Variants in TTC34 observed in about 807,000 individuals in gnomAD.
TTC34 encodes tetratricopeptide repeat protein 34.
In TTC34, 44 loss-of-function variants were observed where a neutral mutation model predicts 40.7. The ratio of observed to expected loss-of-function variants is 1.08; its 90% CI spans 0.85 to 1.39. The LOEUF (loss-of-function observed/expected upper bound fraction) is 1.39, where lower values mean the gene tolerates loss of function less well. Ranked by LOEUF, TTC34 falls within the 40% of genes most tolerant of loss-of-function variation. The pLI is 0.00. For missense variants in TTC34, 884 were observed against 838.0 expected (o/e 1.05, Z -0.68); for synonymous variants, 422 against 398.6 (o/e 1.06, Z -0.70).
chr1:2,660,799 T>C (rs1362534364), intron 6 of TTC34, among the ~76,000 whole-genome samples: 29 of 19,854 alleles, frequency 1.5e-3, no homozygotes, highest in Non-Finnish European at 1.8e-3. Flanking sequence ...CACCCCCAGG[T>C]GAGCATCTGA....
intron 6 of TTC34, among the ~76,000 whole-genome samples, chr1:2,677,585 TGA>T: frequency 1.9e-5 from 1 of 53,994 alleles, no homozygotes; most frequent in Non-Finnish European, 3.6e-5. Context: ...GGTGATCATC[TGA>T]CAGCCTGGAA....
chr1:2,651,882 G>C (rs1046553321), intron 6 of TTC34, among the ~76,000 whole-genome samples: 2 of 151,854 alleles, frequency 1.3e-5, no homozygotes, highest in East Asian at 3.9e-4. Flanking sequence ...AACAACTCAC[G>C]ATTTTGGGTG....
In TTC34 at chr1:2,684,480, C is replaced by G. The variant is rs542392658; in HGVS notation, c.2227-38917G>C. On this transcript the variant is annotated intron_variant, in intron 6 of 8. Coordinates refer to ENST00000401095, the Ensembl canonical transcript of TTC34. Reference sequence around the variant, plus strand: ...CGGCCTGCAACAGCACCCACACACCCAGGCGAGCATCTGATGGCCTGGAAC... The same window carrying G: ...CGGCCTGCAACAGCACCCACACACCGAGGCGAGCATCTGATGGCCTGGAAC... Among the ~76,000 whole-genome samples the G allele has an allele frequency of 3.5e-3, 518 of 149,576 alleles. 52 individuals are homozygous for G. Among genetic ancestry groups the G allele is most frequent in the African/African-American group, 0.013 (499 of 39,458 alleles).
chr1:2,759,416 C>T (rs1641616883), intron 6 of TTC34, among the ~76,000 whole-genome samples: 2 of 108,220 alleles, frequency 1.8e-5, no homozygotes, highest in Non-Finnish European at 3.6e-5. Context: ...GGGCATGTGA[C>T]AGCCTGGATC....
intron 2 of TTC34, among the ~76,000 whole-genome samples, chr1:2,794,775 C>T (rs563810316): frequency 6.6e-6 from 1 of 152,182 alleles, no homozygotes; most frequent in African/African-American, 2.4e-5. Flanking sequence ...AAGTTTTCTT[C>T]TGTTTCTTGA....
At chr1:2,683,646 T>A (rs566026750) in intron 6 of TTC34, among the ~76,000 whole-genome samples, 1 of 146,536 alleles carries the variant, frequency 6.8e-6, no homozygotes, top group South Asian at 2.1e-4. Flanking sequence ...CAGGTGAGCA[T>A]CTGACAGCCT....
chr1:2,685,863 G>A (rs61763542), intron 6 of TTC34, among the ~76,000 whole-genome samples: 5 of 149,956 alleles, frequency 3.3e-5, no homozygotes, highest in Non-Finnish European at 7.4e-5. Context: ...CTGACAGCCT[G>A]GAACAGCACC....
chr1:2,643,367 C>G (rs1412174245), intron 8 of TTC34, among the ~76,000 whole-genome samples: 1 of 152,238 alleles, frequency 6.6e-6, no homozygotes, highest in Non-Finnish European at 1.5e-5. Context: ...GCAGCCCAGC[C>G]GTATTCTGCA....
rs558919734 is a variant in TTC34, at chr1:2,691,704, C to T, written c.2227-46141G>A. Among the ~76,000 whole-genome samples the T allele has an allele frequency of 2.4e-3, 220 of 92,588 alleles. 21 individuals carry two copies. Among genetic ancestry groups the T allele is most frequent in the South Asian group, 6.3e-3 (21 of 3,348 alleles). 60.7% of individuals were successfully genotyped at this position (92,588 alleles called of 152,430 possible). A position where few individuals can be genotyped will look rare whatever the true frequency, so the allele number is the denominator to read the frequency against. ...TGACGGCCTGCAACAGCACCCACAT[C>T]CCCAGGTGAGCATTGGACAGCCTGG... On this transcript the variant is annotated intron_variant, in intron 6 of 8. Transcript: ENST00000401095.
chr1:2,657,411 G>T (rs192036584), intron 6 of TTC34, among the ~76,000 whole-genome samples: 5 of 91,132 alleles, frequency 5.5e-5, no homozygotes, highest in African/African-American at 1.7e-4. Flanking sequence ...TCCCGGAGCA[G>T]TACCAGTACC....
At position 2,755,642 on chromosome 1, in the gene TTC34, G is replaced by C. The variant is rs1292213749; in HGVS notation, c.2226+27967C>G. On this transcript the variant is annotated intron_variant, in intron 6 of 8. Coordinates refer to ENST00000401095, the Ensembl canonical transcript of TTC34. ...CCACACACCCAGGTGCGCATCTGAT[G>C]GTCTGGAGCAGCACCCACAACCACA... is the stretch of plus-strand genomic sequence containing the variant. Among the ~76,000 whole-genome samples the C allele has an allele frequency of 1.9e-5, 2 of 106,142 alleles. 1 individual carries two copies. Among genetic ancestry groups the C allele is most frequent in the South Asian group, 6.9e-4 (2 of 2,882 alleles). 69.6% of individuals were successfully genotyped at this position (106,142 alleles called of 152,430 possible). A position where few individuals can be genotyped will look rare whatever the true frequency, so the allele number is the denominator to read the frequency against.
At chr1:2,695,824 C>G (rs1386840240) in intron 6 of TTC34, among the ~76,000 whole-genome samples, 2,351 of 121,850 alleles carry the variant, frequency 0.019, no homozygotes, top group Non-Finnish European at 0.027. Flanking sequence ...CAGCCTGGAA[C>G]AGCATCCACA....
At chr1:2,757,681 A>G (rs1414008433) in intron 6 of TTC34, among the ~76,000 whole-genome samples, 85 of 60,502 alleles carry the variant, frequency 1.4e-3, no homozygotes, top group African/African-American at 3.6e-3. Context: ...CCCTAGGTGA[A>G]CATCCGACAT....
intron 6 of TTC34, among the ~76,000 whole-genome samples, chr1:2,683,217 G>A (rs80062728): frequency 2.9e-4 from 16 of 55,820 alleles, no homozygotes; most frequent in Middle Eastern, 0.017. Flanking sequence ...GAGAGCCTGG[G>A]TCGGCACCCA....
chr1:2,768,357 G>A (rs1254744873), intron 6 of TTC34, among the ~76,000 whole-genome samples: 5 of 151,968 alleles, frequency 3.3e-5, no homozygotes, highest in Non-Finnish European at 2.9e-5. Context: ...ACCTGGGGAC[G>A]CGTGGAAAAC....
chr1:2,784,623 C>A (rs2100622290), intron 5 of TTC34, among the ~76,000 whole-genome samples: 1 of 152,314 alleles, frequency 6.6e-6, no homozygotes, highest in African/African-American at 2.4e-5. Flanking sequence ...TGACAGAGGG[C>A]TCACCTCTTG....
chr1:2,767,435 T>C (rs1182716444), intron 6 of TTC34, among the ~76,000 whole-genome samples: 6 of 137,822 alleles, frequency 4.4e-5, no homozygotes, highest in African/African-American at 1.3e-4. Context: ...TGGAATGGCA[T>C]CCTCACCTCC....
intron 5 of TTC34, among the ~76,000 whole-genome samples, chr1:2,784,196 G>T (rs536627376): frequency 6.6e-6 from 1 of 152,216 alleles, no homozygotes; most frequent in Non-Finnish European, 1.5e-5. Context: ...AGCAAGTCAC[G>T]TGATCAAAGG....
chr1:2,681,843 C>A, intron 6 of TTC34, among the ~76,000 whole-genome samples: 1 of 119,574 alleles, frequency 8.4e-6, no homozygotes, highest in Admixed American at 8.1e-5. Context: ...GAGCATCTGA[C>A]AGCCTGGAAC....
Sources: allele counts gnomAD v4.1 joint callset (sites outside exome capture counted in the v4.1 genomes callset), GRCh38; gene constraint gnomAD v4.1.1; transcripts MANE v1.5; gene names NCBI Gene and HGNC (gene_info 2026-07-23, HGNC 2026-07-21).